Variants in HSPG2 observed in about 807,000 individuals in gnomAD.
HSPG2 encodes the protein basement membrane-specific heparan sulfate proteoglycan core protein.
HSPG2 carries 278 observed loss-of-function variants against 526.6 expected under a neutral mutation model. The observed-to-expected ratio is 0.53, with a 90% CI of 0.48 to 0.58. HSPG2 has a LOEUF of 0.58. Ranked by LOEUF, HSPG2 falls within the 20% of genes least tolerant of loss-of-function variation. The pLI is 0.00. For synonymous variants in HSPG2, 2,465 were observed against 2,555.4 expected, an observed-to-expected ratio of 0.96 and a Z score of 1.07; for missense variants, 5,354 against 6,099.5, an observed-to-expected ratio of 0.88 and a Z score of 4.07.
At chr1:21,925,308 T>C (rs9426787) in intron 1 of HSPG2, among the ~76,000 whole-genome samples, 4,011 of 152,328 alleles carry the variant, frequency 0.026, 171 homozygotes, top group African/African-American at 0.09. Flanking sequence ...AAGCTTCCAC[T>C]GCACAGGGCT....
At chr1:21,926,763 A>G (rs1287667533) in intron 1 of HSPG2, among the ~76,000 whole-genome samples, 1 of 11,146 alleles carries the variant, frequency 9.0e-5, no homozygotes, top group Non-Finnish European at 3.9e-4. Context: ...CTCAGTCTCA[A>G]AAAAAAAAAA....
chr1:21,854,226 G>A lies in HSPG2; in HGVS notation c.6406C>T (p.His2136Tyr). 1 of 1,596,272 alleles carries A rather than the reference G, an allele frequency of 6.3e-7. No homozygotes were observed. Among genetic ancestry groups the A allele is most frequent in the East Asian group, 2.3e-5 (1 of 44,024 alleles). Residue 2136 changes from histidine (H) to tyrosine (Y), a missense_variant, in exon 50 of 97, where the codon CAC becomes TAC. Physicochemically the swap from His to Tyr is moderately conservative, Grantham distance 83. Coordinates refer to ENST00000374695, the MANE Select transcript of HSPG2 (RefSeq NM_005529.7). ...KEASITVSVL[H>Y]GTHSGPSYTP... Reference sequence around the variant, plus strand: ...TAGCTGGGGCCAGAATGGGTGCCGTGGAGCACAGACACAGTAATGGAGGCC... The same window carrying A: ...TAGCTGGGGCCAGAATGGGTGCCGTAGAGCACAGACACAGTAATGGAGGCC...
intron 63 of HSPG2, 95 bp from the exon 64 acceptor site, chr1:21,846,350 A>T: frequency 1.2e-6 from 2 of 1,604,210 alleles, no homozygotes; most frequent in Non-Finnish European, 1.7e-6. Context: ...ACAGGGGGGT[A>T]CTGCACCCCA....
In HSPG2 at chr1:21,839,895, AG is replaced by A. The variant is rs1166085611; in HGVS notation, c.9635del (p.Pro3212LeufsTer10). 1.2e-5 allele frequency: 20 copies of A among 1,614,064 alleles called. No individual in the cohort carries two copies. Among genetic ancestry groups the A allele is most frequent in the Non-Finnish European group, 1.7e-5 (20 of 1,180,028 alleles). On this transcript the variant is annotated frameshift_variant, in exon 72 of 97. Coordinates refer to ENST00000374695, the MANE Select transcript of HSPG2 (RefSeq NM_005529.7). LOFTEE classifies it high-confidence loss of function. The surrounding 1 kb of genome is among the most constrained non-coding windows in gnomAD (Gnocchi z 4.5). ...VDTGAMAPGAPQVQAEEAELT... is the reference protein window; with the variant it reads ...VDTGAMAPGAXQVQAEEAELT... ...GCTCAGCTTCTTCAGCTTGGACCTGAGGGGCCCCTGGGGCCATGGCGCCCGT... is the reference window on the plus strand; with the variant it reads ...GCTCAGCTTCTTCAGCTTGGACCTGAGGGCCCCTGGGGCCATGGCGCCCGT...
Position 21,833,554 on chromosome 1 carries a change from C to T in HSPG2, c.10891G>A (p.Val3631Ile). Reference protein sequence around the residue: ...LENNMLMLPSVRPQDAGTYVC... With the variant: ...LENNMLMLPSIRPQDAGTYVC... Reference sequence around the variant, plus strand: ...TAGGTACCTGCGTCCTGGGGTCGGACTGAGGGCAGCATCAGCATGTTGTTC... The same window carrying T: ...TAGGTACCTGCGTCCTGGGGTCGGATTGAGGGCAGCATCAGCATGTTGTTC... The change falls in exon 79 of 97, where the codon GTC becomes ATC. Residue 3631 changes from valine (V) to isoleucine (I), a missense_variant. Val to Ile is a conservative substitution (Grantham distance 29). Transcript: ENST00000374695. The T allele has an allele frequency of 6.2e-7, 1 of 1,614,178 alleles. No individual in the cohort carries two copies. Among genetic ancestry groups the T allele is most frequent in the Non-Finnish European group, 8.5e-7 (1 of 1,180,016 alleles).
Position 21,831,104 on chromosome 1 carries a change from C to G in HSPG2, c.11563-14G>C. 6.2e-7 allele frequency: 1 copy of G among 1,608,850 alleles called. No homozygotes were observed. On this transcript the variant is annotated splice_polypyrimidine_tract_variant and intron_variant, in intron 84 of 96. Coordinates refer to ENST00000374695, the MANE Select transcript of HSPG2 (RefSeq NM_005529.7). ...CTGACCGCCATTCTGCAAAGCAGCC[C>G]CCAGAAGTAAGGCCGAGAACATTCA...
chr1:21,834,584 G>T, intron 77 of HSPG2, 95 bp downstream of exon 77: 1 of 1,443,500 alleles, frequency 6.9e-7, no homozygotes, highest in Non-Finnish European at 9.6e-7. Context: ...CAAGTGAACA[G>T]AAAGGAAGAG....
rs781181112 is a variant in HSPG2, at chr1:21,861,746, T to TTC, written c.4955+10_4955+11insGA. The stretch of plus-strand genomic sequence containing the variant: ...CCTCCACCCTCCCCCTACTTCTGTT[T>TTC]ACAAACTTACTGCTCACAGTACTGG... On this transcript the variant is annotated intron_variant, in intron 39 of 96. Coordinates refer to ENST00000374695, the MANE Select transcript of HSPG2 (RefSeq NM_005529.7). 1 of 1,613,628 alleles carries TTC rather than the reference T, an allele frequency of 6.2e-7. No homozygotes were observed. Among genetic ancestry groups the TTC allele is most frequent in the South Asian group, 1.1e-5 (1 of 91,040 alleles).
chr1:21,901,861 C>G (rs1182663034), intron 1 of HSPG2, among the ~76,000 whole-genome samples: 1 of 152,168 alleles, frequency 6.6e-6, no homozygotes, highest in African/African-American at 2.4e-5. Context: ...CTCAGTGCCC[C>G]TTCCCCTGCC....
intron 44 of HSPG2, 42 bp from the exon 45 acceptor site, chr1:21,855,954 T>C (rs1639308994): frequency 6.3e-7 from 1 of 1,599,652 alleles, no homozygotes; most frequent in Non-Finnish European, 8.5e-7. Flanking sequence ...GGGTGGGGAG[T>C]GTCGTCTGAC....
chr1:21,824,316 G>T lies in HSPG2; in HGVS notation c.12805C>A (p.Leu4269Ile), dbSNP rs961539740. The T allele has an allele frequency of 1.2e-6, 2 of 1,613,800 alleles. No individual in the cohort carries two copies. Among genetic ancestry groups the T allele is most frequent in the Non-Finnish European group, 1.7e-6 (2 of 1,180,024 alleles). ...GGTGCCAGGACCTACCTGAAGACAA[G>T]GTGCCCGTCTTGAAGCCCGAGGCTG... The part of the protein sequence containing the change: ...FISLGLQDGH[L>I]VFRYQLGSGE... Residue 4269 changes from leucine to isoleucine, a missense_variant, in exon 94 of 97, where the codon CTT (leucine) becomes ATT (isoleucine). Transcript: ENST00000374695. This position sits in a 1 kb window ranked among gnomAD's most constrained non-coding sequence, Gnocchi z 5.9.
intron 91 of HSPG2, among the ~76,000 whole-genome samples, chr1:21,825,935 A>C (rs973485682): frequency 6.6e-6 from 1 of 151,886 alleles, no homozygotes; most frequent in African/African-American, 2.4e-5. Flanking sequence ...ACAGGTGTGC[A>C]CCACCACACC....
At chr1:21,843,535 T>C (rs1367604125) in intron 65 of HSPG2, 97 bp from the exon 66 acceptor site, 24 of 1,329,506 alleles carry the variant, frequency 1.8e-5, no homozygotes, top group Non-Finnish European at 2.4e-5. Flanking sequence ...TGCACAGATA[T>C]GTAGGCGCAT....
intron 1 of HSPG2, among the ~76,000 whole-genome samples, chr1:21,925,991 G>A (rs774416763): frequency 5.3e-5 from 8 of 151,782 alleles, no homozygotes; most frequent in East Asian, 1.9e-4. Flanking sequence ...CACCACGCCC[G>A]GCTAATTTTT....
At chr1:21,870,083 G>T (rs954505330) in intron 33 of HSPG2, 5 of 219,184 alleles carry the variant, frequency 2.3e-5, no homozygotes, top group South Asian at 1.6e-4. Flanking sequence ...TCAGGCTGGG[G>T]CCTGGCCTGG....
rs1199019273 is a variant in HSPG2 at position 21,848,749 on chromosome 1, G to A, written c.7631C>T (p.Ser2544Phe). Reference sequence around the variant, plus strand: ...GTCCAGGGTGTGTCCATTGGCCAGGGAGGCTGAGGAGGACTCGATGCGGAC... The same window carrying A: ...GTCCAGGGTGTGTCCATTGGCCAGGAAGGCTGAGGAGGACTCGATGCGGAC... ...YPVRIESSSASLANGHTLDLN... is the reference protein window; with the variant it reads ...YPVRIESSSAFLANGHTLDLN... The change falls in exon 59 of 97, where the codon TCC becomes TTC. Residue 2544 changes from serine to phenylalanine, a missense_variant. Physicochemically the swap from Ser to Phe is radical, Grantham distance 155. Transcript: ENST00000374695. The surrounding 1 kb of genome is among the most constrained non-coding windows in gnomAD (Gnocchi z 4.9). The A allele has an allele frequency of 1.2e-6, 2 of 1,614,038 alleles. No individual in the cohort carries two copies. Among genetic ancestry groups the A allele is most frequent in the South Asian group, 2.2e-5 (2 of 91,084 alleles).
chr1:21,827,338 A>T (rs965547279), intron 91 of HSPG2, among the ~76,000 whole-genome samples: 39 of 152,244 alleles, frequency 2.6e-4, no homozygotes, highest in Admixed American at 1.7e-3. Context: ...TTCCACAGCT[A>T]GTAAGTGGGA....
intron 1 of HSPG2, among the ~76,000 whole-genome samples, chr1:21,923,746 C>A (rs927547389): frequency 6.6e-6 from 1 of 152,142 alleles, no homozygotes; most frequent in African/African-American, 2.4e-5. Flanking sequence ...GCTGGCCCAC[C>A]ACTCAGCCTC....
At position 21,895,857 on chromosome 1, in the gene HSPG2, A is replaced by G; in HGVS notation, c.244+65T>C. On this transcript the variant is annotated intron_variant, in intron 3 of 96. Transcript: ENST00000374695. The surrounding 1 kb of genome is among the most constrained non-coding windows in gnomAD (Gnocchi z 4.1). ...AGGCCCAAGGAGCCCTCAGCCCAGG[A>G]GACTGGCTCTGGGGCTTCCCTGGGG... The G allele has an allele frequency of 6.7e-7, 1 of 1,491,106 alleles. No individual in the cohort carries two copies. Among genetic ancestry groups the G allele is most frequent in the East Asian group, 2.3e-5 (1 of 44,200 alleles). 92.4% of individuals were successfully genotyped at this position (1,491,106 alleles called of 1,614,324 possible).
Sources: allele counts gnomAD v4.1 joint callset (sites outside exome capture counted in the v4.1 genomes callset), GRCh38; gene constraint gnomAD v4.1.1; non-coding constraint Gnocchi (gnomAD v3.1); transcripts MANE v1.5; gene names NCBI Gene and HGNC (gene_info 2026-07-23, HGNC 2026-07-21).